Variants in ZNF679 observed in about 807,000 individuals in gnomAD.
ZNF679 encodes zinc finger protein 679.
A neutral mutation model predicts 13.4 loss-of-function variants in ZNF679; 10 were observed. That is an observed-to-expected ratio of 0.75 (90% CI 0.46 to 1.27). ZNF679 has a LOEUF of 1.27. Among genes scored for constraint, ZNF679 ranks in the 50% most tolerant of loss-of-function variants. The pLI, the probability that ZNF679 is intolerant of heterozygous loss-of-function variation, is 0.00. For missense variants in ZNF679, 525 were observed against 477.8 expected, an observed-to-expected ratio of 1.10 and a Z score of -0.92; for synonymous variants, 179 against 162.5, an observed-to-expected ratio of 1.10 and a Z score of -0.77.
intron 1 of ZNF679, among the ~76,000 whole-genome samples, chr7:64,229,546 C>A (rs1253715904): frequency 6.6e-6 from 1 of 152,070 alleles, no homozygotes; most frequent in African/African-American, 2.4e-5. Flanking sequence ...AGTGATAATC[C>A]CATTGTTGGC....
chr7:64,251,169 A>G (rs933790922), intron 2 of ZNF679, among the ~76,000 whole-genome samples: 11 of 152,080 alleles, frequency 7.2e-5, no homozygotes, highest in Non-Finnish European at 1.0e-4. Context: ...AGAAGAAAGC[A>G]GAGGTCAGGC....
intron 2 of ZNF679, among the ~76,000 whole-genome samples, chr7:64,252,819 G>A (rs1166021882): frequency 1.3e-5 from 2 of 152,236 alleles, no homozygotes; most frequent in East Asian, 3.8e-4. Context: ...CTGGGTTCAA[G>A]TGATTCTCTT....
chr7:64,231,669 C>T (rs988377754), intron 1 of ZNF679, among the ~76,000 whole-genome samples: 18 of 151,952 alleles, frequency 1.2e-4, no homozygotes, highest in African/African-American at 4.4e-4. Flanking sequence ...ATAAGTTGAG[C>T]CTAGAAAGAA....
At chr7:64,228,974 A>T (rs1787599484) in intron 1 of ZNF679, among the ~76,000 whole-genome samples, 1 of 151,974 alleles carries the variant, frequency 6.6e-6, no homozygotes, top group Non-Finnish European at 1.5e-5. Flanking sequence ...TGGCTCTGTT[A>T]TGACACTCTT....
rs191599963 is a variant in ZNF679 at position 64,230,450 on chromosome 7, G to A, written c.-91+1798G>A. ...GGGGAGGCTGAGGCAGGAGAATGGC[G>A]TGAACCCGGGAAGCGGAGCTTGCAG... On this transcript the variant is annotated intron_variant, in intron 1 of 4. Coordinates refer to ENST00000421025, the MANE Select transcript of ZNF679 (RefSeq NM_153363.3). Among the ~76,000 whole-genome samples, 525 of 151,584 alleles carry A rather than the reference G, an allele frequency of 3.5e-3. 3 individuals carry two copies. The highest frequency in any genetic ancestry group is 0.011 in the African/African-American group (463 of 41,340).
chr7:64,258,450 C>G lies in ZNF679; in HGVS notation c.40-1771C>G, dbSNP rs539369426. On this transcript the variant is annotated intron_variant, in intron 2 of 4. Coordinates refer to ENST00000421025, the MANE Select transcript of ZNF679 (RefSeq NM_153363.3). ...GGGCGTGGTGGCTTACGCATATAAT[C>G]CCAACACTTAGGGAGGCTGAAGCAG... Among the ~76,000 whole-genome samples, 6 of 152,136 alleles carry G rather than the reference C, an allele frequency of 3.9e-5. No homozygotes were observed. The East Asian group carries it at 1.2e-3, about 29-fold the overall frequency.
rs1411841638 is a variant in ZNF679, at chr7:64,260,249, T to C, written c.68T>C (p.Ile23Thr). The change falls in exon 3 of 5, where the codon ATA becomes ACA. Residue 23 changes from isoleucine (I) to threonine (T), a missense_variant. Coordinates refer to ENST00000421025, the MANE Select transcript of ZNF679 (RefSeq NM_153363.3). ...CTGTTGACATTCAGAGATGTAGTCA[T>C]AGAATTCTCTCTGGAGGAGTGGCAA... ...MGLLTFRDVV[I>T]EFSLEEWQCL... The C allele has an allele frequency of 1.2e-6, 2 of 1,609,934 alleles. No individual in the cohort carries two copies. Among genetic ancestry groups the C allele is most frequent in the East Asian group, 2.2e-5 (1 of 44,822 alleles).
chr7:64,255,166 C>T (rs1316748895), intron 2 of ZNF679, among the ~76,000 whole-genome samples: 1 of 151,990 alleles, frequency 6.6e-6, no homozygotes, highest in Non-Finnish European at 1.5e-5. Context: ...TGCACATTGT[C>T]CTGTGATTCT....
intron 4 of ZNF679, among the ~76,000 whole-genome samples, chr7:64,263,009 A>AT (rs1429921355): frequency 6.6e-6 from 1 of 151,400 alleles, no homozygotes; most frequent in Non-Finnish European, 1.5e-5. Flanking sequence ...ATTTCCATGT[A>AT]TTTTTGATTT....
chr7:64,250,529 T>C (rs1787932571), intron 2 of ZNF679, among the ~76,000 whole-genome samples: 1 of 151,506 alleles, frequency 6.6e-6, no homozygotes, highest in Admixed American at 6.6e-5. Flanking sequence ...CTTTGCCACT[T>C]AAAGTGCTCT....
chr7:64,263,846 T>A (rs1159338122), intron 4 of ZNF679, among the ~76,000 whole-genome samples: 1 of 152,210 alleles, frequency 6.6e-6, no homozygotes, highest in Non-Finnish European at 1.5e-5. Context: ...TTACCCAGTC[T>A]CAGGTTATTT....
intron 1 of ZNF679, among the ~76,000 whole-genome samples, chr7:64,238,425 C>T (rs1787754442): frequency 6.6e-6 from 1 of 152,234 alleles, no homozygotes; most frequent in African/African-American, 2.4e-5. Flanking sequence ...GAGTCTCACT[C>T]ACTCCAGGCT....
In ZNF679 at chr7:64,231,709, C is replaced by G. The variant is rs138195369; in HGVS notation, c.-91+3057C>G. 3.3e-3 allele frequency among the ~76,000 whole-genome samples: 503 copies of G among 152,112 alleles called. 5 individuals are homozygous for G. The highest frequency in any genetic ancestry group is 0.011 in the African/African-American group (468 of 41,524). ...AGAGTCACATCACTAGGTGATTGGCCCAGAGATATGTAAAAATTTCTCCTG... is the reference window on the plus strand; with the variant it reads ...AGAGTCACATCACTAGGTGATTGGCGCAGAGATATGTAAAAATTTCTCCTG... On this transcript the variant is annotated intron_variant, in intron 1 of 4. Coordinates refer to ENST00000421025, the MANE Select transcript of ZNF679 (RefSeq NM_153363.3).
intron 2 of ZNF679, among the ~76,000 whole-genome samples, chr7:64,250,948 G>T (rs1787937180): frequency 6.6e-6 from 1 of 152,142 alleles, no homozygotes. Context: ...TAACTGCCTT[G>T]CAGTAAAATA....
At chr7:64,237,249 G>C (rs1249554768) in intron 1 of ZNF679, among the ~76,000 whole-genome samples, 1 of 152,190 alleles carries the variant, frequency 6.6e-6, no homozygotes, top group Non-Finnish European at 1.5e-5. Flanking sequence ...GTAGCCTATA[G>C]GTGGAAAACT....
chr7:64,236,907 A>AAGAAAGAAAG (rs1787722440), intron 1 of ZNF679, among the ~76,000 whole-genome samples: 4 of 125,740 alleles, frequency 3.2e-5, no homozygotes, highest in East Asian at 3.5e-4. Flanking sequence ...AAAAAGAAAA[A>AAGAAAGAAAG]AAGAAAGAAA....
chr7:64,261,352 C>T (rs1263298795), intron 4 of ZNF679, among the ~76,000 whole-genome samples: 1 of 151,944 alleles, frequency 6.6e-6, no homozygotes, highest in Non-Finnish European at 1.5e-5. Flanking sequence ...TCTGCACATG[C>T]CATTCTGTTG....
At chr7:64,257,181 G>A (rs1584235821) in intron 2 of ZNF679, among the ~76,000 whole-genome samples, 1 of 152,188 alleles carries the variant, frequency 6.6e-6, no homozygotes, top group Non-Finnish European at 1.5e-5. Context: ...CATCAGGTTT[G>A]TAAATTGAGA....
At chr7:64,231,590 T>C (rs1787640030) in intron 1 of ZNF679, among the ~76,000 whole-genome samples, 1 of 152,208 alleles carries the variant, frequency 6.6e-6, no homozygotes, top group African/African-American at 2.4e-5. Context: ...CAGTGGGGCT[T>C]GGCCCAGCTG....
Sources: allele counts gnomAD v4.1 joint callset (sites outside exome capture counted in the v4.1 genomes callset), GRCh38; gene constraint gnomAD v4.1.1; transcripts MANE v1.5; gene names NCBI Gene and HGNC (gene_info 2026-07-23, HGNC 2026-07-21).